The following PRR12 variants were observed in gnomAD, a reference collection of about 807,000 sequenced individuals.
The protein encoded by PRR12 is proline-rich protein 12.
In PRR12, 12 loss-of-function variants were observed where a neutral mutation model predicts 138.0. That is an observed-to-expected ratio of 0.09 (90% CI 0.06 to 0.14). PRR12 has a LOEUF of 0.14. Ranked by LOEUF, PRR12 falls within the 10% of genes least tolerant of loss-of-function variation. The pLI is 1.00. For synonymous variants in PRR12, 1,567 were observed against 1,291.7 expected, an observed-to-expected ratio of 1.21 and a Z score of -4.57; for missense variants, 2,692 against 2,861.3, an observed-to-expected ratio of 0.94 and a Z score of 1.35.
intron 1 of PRR12, 83 bp downstream of exon 1, chr19:49,591,823 C>A: frequency 1.2e-6 from 1 of 810,084 alleles, no homozygotes; most frequent in Non-Finnish European, 1.7e-6. Context: ...CGGGCCCGCC[C>A]GGCGACGCGT....
At chr19:49,611,795 C>T (rs1599797105) in intron 6 of PRR12, among the ~76,000 whole-genome samples, 1 of 145,094 alleles carries the variant, frequency 6.9e-6, no homozygotes, top group Admixed American at 6.9e-5. Flanking sequence ...TGGTGGCGGG[C>T]GCCTGTGGTC....
In PRR12 at chr19:49,614,692, G is replaced by C. The variant is rs540584809; in HGVS notation, c.4890+43G>C. Reference sequence around the variant, plus strand: ...ACCAAGGACTTGGGGGCCCCGGGGCGTGGTATCTAGGAGCTGGGGTTCCCC... The same window carrying C: ...ACCAAGGACTTGGGGGCCCCGGGGCCTGGTATCTAGGAGCTGGGGTTCCCC... On this transcript the variant is annotated intron_variant, in intron 7 of 13. Transcript: ENST00000418929. This position sits in a 1 kb window ranked among gnomAD's most constrained non-coding sequence, Gnocchi z 5.0. 22 of 1,516,118 alleles carry C rather than the reference G, an allele frequency of 1.5e-5. No individual in the cohort carries two copies. The highest frequency in any genetic ancestry group is 2.0e-5 in the Non-Finnish European group (22 of 1,117,734). The allele number at this position is 1,516,118 out of a possible 1,614,324, so 93.9% of individuals were successfully genotyped here. A position where few individuals can be genotyped will look rare whatever the true frequency, so the allele number is the denominator to read the frequency against.
At chr19:49,593,260 G>A (rs1599782742) in intron 1 of PRR12, 67 bp from the exon 2 acceptor site, 1 of 776,506 alleles carries the variant, frequency 1.3e-6, no homozygotes, top group Non-Finnish European at 2.1e-6. Flanking sequence ...TCCCCGGGGG[G>A]TTTTCTGAGC....
rs561860724 is a variant in PRR12, at chr19:49,624,650, T to A, written c.5722-194T>A. Among the ~76,000 whole-genome samples the A allele has an allele frequency of 4.0e-5, 6 of 151,746 alleles. No homozygotes were observed. In the South Asian group the frequency reaches 1.2e-3, roughly 32 times the overall value. ...GTAGAATTTTGGGTGACATTGAGAA[T>A]CTGAGCCAGGCCAGAAGGCACAGTG... On this transcript the variant is annotated intron_variant, in intron 11 of 13. Coordinates refer to ENST00000418929, the MANE Select transcript of PRR12 (RefSeq NM_020719.3).
rs112453448 is a variant in PRR12 at position 49,611,748 on chromosome 19, C to T, written c.4774-2785C>T. On this transcript the variant is annotated intron_variant, in intron 6 of 13. Coordinates refer to ENST00000418929, the MANE Select transcript of PRR12 (RefSeq NM_020719.3). Reference sequence around the variant, plus strand: ...ACCATCCTGGCTAACGCGGTGAAACCCCGCCTCTACTAAAAATACAAAAAA... The same window carrying T: ...ACCATCCTGGCTAACGCGGTGAAACTCCGCCTCTACTAAAAATACAAAAAA... Among the ~76,000 whole-genome samples the T allele has an allele frequency of 5.1e-3, 749 of 146,056 alleles. 26 individuals are homozygous for T. Among genetic ancestry groups the T allele is most frequent in the African/African-American group, 0.019 (730 of 38,214 alleles).
Position 49,594,460 on chromosome 19 carries a change from C to A in PRR12, c.206C>A (p.Ser69Tyr). 1 of 1,604,122 alleles carries A rather than the reference C, an allele frequency of 6.2e-7. No individual in the cohort carries two copies. The highest frequency in any genetic ancestry group is 8.5e-7 in the Non-Finnish European group (1 of 1,175,842). The change falls in exon 3 of 14, where the codon TCT becomes TAT. Residue 69 changes from serine to tyrosine, a missense_variant. Coordinates refer to ENST00000418929, the MANE Select transcript of PRR12 (RefSeq NM_020719.3). The surrounding 1 kb of genome is among the most constrained non-coding windows in gnomAD (Gnocchi z 5.6). Reference protein sequence around the residue: ...YATNHHPAGLSGLFDTGLHHA... With the variant: ...YATNHHPAGLYGLFDTGLHHA... ...AACCCCTGTCCCCGGCCAGGCCTCT[C>A]TGGACTCTTCGACACTGGCCTCCAC...
chr19:49,606,751 A>G (rs2080840614), intron 6 of PRR12, among the ~76,000 whole-genome samples: 1 of 145,082 alleles, frequency 6.9e-6, no homozygotes, highest in African/African-American at 2.6e-5. Flanking sequence ...GGTTCAAGTG[A>G]TTCTCCTGCC....
chr19:49,624,459 G>A lies in PRR12; in HGVS notation c.5722-385G>A, dbSNP rs2080943863. Reference sequence around the variant, plus strand: ...GTTAGGATGGTGCTGAAAATTTTGGGGTAGGTGGTTAGGATGGGGCTGGGA... The same window carrying A: ...GTTAGGATGGTGCTGAAAATTTTGGAGTAGGTGGTTAGGATGGGGCTGGGA... On this transcript the variant is annotated intron_variant, in intron 11 of 13. Coordinates refer to ENST00000418929, the MANE Select transcript of PRR12 (RefSeq NM_020719.3). 1.3e-5 allele frequency among the ~76,000 whole-genome samples: 2 copies of A among 151,236 alleles called. 1 individual carries two copies. Among genetic ancestry groups the A allele is most frequent in the South Asian group, 4.2e-4 (2 of 4,786 alleles).
intron 5 of PRR12, 76 bp from the exon 6 acceptor site, chr19:49,601,415 C>T (rs904791500): frequency 3.8e-6 from 3 of 796,960 alleles, no homozygotes; most frequent in Non-Finnish European, 6.0e-6. Flanking sequence ...GTATAGAAAG[C>T]AGTGTTTAAA....
At chr19:49,621,470 GC>G in intron 10 of PRR12, 54 bp from the exon 11 acceptor site, 2 of 1,401,922 alleles carry the variant, frequency 1.4e-6, no homozygotes, top group South Asian at 2.5e-5. Flanking sequence ...CCCCACCTTG[GC>G]CCCAGTGCTT....
At chr19:49,624,236 G>A (rs1321158217) in intron 11 of PRR12, among the ~76,000 whole-genome samples, 1 of 151,176 alleles carries the variant, frequency 6.6e-6, no homozygotes, top group African/African-American at 2.4e-5. Context: ...GGGGTAGGTG[G>A]TTAGGATGGG....
intron 2 of PRR12, 95 bp downstream of exon 2, chr19:49,593,534 C>T (rs1256278674): frequency 1.6e-6 from 1 of 642,530 alleles, no homozygotes; most frequent in Non-Finnish European, 2.8e-6. Context: ...CCTAATTGGC[C>T]GTGGCCCGTG....
Position 49,591,599 on chromosome 19 carries a change from GCCCCCTCCCTCCCTCCCTCCCT to G in PRR12, c.-46_-25del, listed in dbSNP as rs2080726795. ...CGGCGGCGGAGGAGAGCGCGCGCGC[GCCCCCTCCCTCCCTCCCTCCCT>G]CCCCCTCCCCCCAATTTCCACCGCG... is the stretch of plus-strand genomic sequence containing the variant. On this transcript the variant is annotated 5_prime_UTR_variant, in exon 1 of 14. Coordinates refer to ENST00000418929, the MANE Select transcript of PRR12 (RefSeq NM_020719.3). The G allele has an allele frequency of 4.8e-6, 2 of 416,872 alleles. No homozygotes were observed. The highest frequency in any genetic ancestry group is 8.9e-6 in the Non-Finnish European group (2 of 224,448). 25.8% of individuals were successfully genotyped at this position (416,872 alleles called of 1,614,324 possible).
intron 6 of PRR12, among the ~76,000 whole-genome samples, chr19:49,611,767 C>T (rs1309698683): frequency 6.9e-6 from 1 of 144,666 alleles, no homozygotes; most frequent in East Asian, 2.0e-4. Flanking sequence ...ACTAAAAATA[C>T]AAAAAAATAG....
In PRR12 at chr19:49,597,890, G is replaced by A. The variant is rs1568423823; in HGVS notation, c.3555G>A (p.Ala1185=). ...GCCCCCTGGAGGTCCCGACCACTGC[G>A]GGGCCCGCCTCGGCCTCCACGCCCA... ...RIRPLEVPTT[A]GPASASTPTD... Residue 1185 remains alanine (A), a synonymous_variant, in exon 4 of 14, where the codon GCG becomes GCA. Transcript: ENST00000418929. The surrounding 1 kb of genome is among the most constrained non-coding windows in gnomAD (Gnocchi z 6.3). The A allele has an allele frequency of 1.4e-6, 2 of 1,428,952 alleles. No homozygotes were observed. The highest frequency in any genetic ancestry group is 2.2e-4 in the Middle Eastern group (1 of 4,478). 88.5% of individuals were successfully genotyped at this position (1,428,952 alleles called of 1,614,324 possible). A position where few individuals can be genotyped will look rare whatever the true frequency, so the allele number is the denominator to read the frequency against.
rs781474184 is a variant in PRR12, at chr19:49,595,099, C to T, written c.764C>T (p.Ala255Val). 7 of 1,612,062 alleles carry T rather than the reference C, an allele frequency of 4.3e-6. No homozygotes were observed. Among genetic ancestry groups the T allele is most frequent in the Non-Finnish European group, 5.9e-6 (7 of 1,179,692 alleles). Reference protein sequence around the residue: ...FNLLASSSAAAAAAEQSSPQL... With the variant: ...FNLLASSSAAVAAAEQSSPQL... Reference sequence around the variant, plus strand: ...CTGCTGGCTTCCTCTTCCGCTGCCGCCGCCGCTGCCGAGCAGTCCTCCCCA... The same window carrying T: ...CTGCTGGCTTCCTCTTCCGCTGCCGTCGCCGCTGCCGAGCAGTCCTCCCCA... Residue 255 changes from alanine to valine, a missense_variant, in exon 4 of 14, where the codon GCC becomes GTC. Ala to Val is a moderately conservative substitution (Grantham distance 64). Coordinates refer to ENST00000418929, the MANE Select transcript of PRR12 (RefSeq NM_020719.3).
chr19:49,600,009 G>A, intron 5 of PRR12, 71 bp downstream of exon 5: 4 of 1,410,478 alleles, frequency 2.8e-6, no homozygotes, highest in Non-Finnish European at 2.8e-6. Context: ...CAGTTGTGCA[G>A]GTTACGCACT....
Position 49,597,582 on chromosome 19 carries a change from C to G in PRR12, c.3247C>G (p.Arg1083Gly). The change falls in exon 4 of 14, where the codon CGC becomes GGC. Residue 1083 changes from arginine to glycine, a missense_variant. Arg to Gly is a moderately radical substitution (Grantham distance 125). Transcript: ENST00000418929. This position sits in a 1 kb window ranked among gnomAD's most constrained non-coding sequence, Gnocchi z 6.3. Reference protein sequence around the residue: ...LKTSSFHLLRRRDPPFQTPKK... With the variant: ...LKTSSFHLLRGRDPPFQTPKK... ...GACATCCTCCTTCCACCTGCTGCGGCGCCGCGACCCACCCTTCCAGACCCC... is the reference window on the plus strand; with the variant it reads ...GACATCCTCCTTCCACCTGCTGCGGGGCCGCGACCCACCCTTCCAGACCCC... 1 of 1,605,810 alleles carries G rather than the reference C, an allele frequency of 6.2e-7. No individual in the cohort carries two copies. Among genetic ancestry groups the G allele is most frequent in the Non-Finnish European group, 8.5e-7 (1 of 1,177,290 alleles).
intron 8 of PRR12, among the ~76,000 whole-genome samples, 152 bp from the exon 9 acceptor site, chr19:49,615,590 GTCAGA>G (rs2080887796): frequency 9.1e-6 from 1 of 110,348 alleles, no homozygotes; most frequent in African/African-American, 4.3e-5. Flanking sequence ...GAGGGAGGGG[GTCAGA>G]GTCCCAGAGA....
Sources: allele counts gnomAD v4.1 joint callset (sites outside exome capture counted in the v4.1 genomes callset), GRCh38; gene constraint gnomAD v4.1.1; non-coding constraint Gnocchi (gnomAD v3.1); transcripts MANE v1.5; gene names NCBI Gene and HGNC (gene_info 2026-07-23, HGNC 2026-07-21).